RALA: variants seen among roughly 807,000 people sequenced by gnomAD.
RALA encodes the protein RAS like proto-oncogene A.
A neutral mutation model predicts 24.0 loss-of-function variants in RALA; 5 were observed. The ratio of observed to expected loss-of-function variants is 0.21; its 90% CI spans 0.11 to 0.44. The LOEUF (loss-of-function observed/expected upper bound fraction) is 0.44. Ranked by LOEUF, RALA falls within the 20% of genes least tolerant of loss-of-function variation. The probability of loss-of-function intolerance (pLI) is 0.99; values close to 1 mark genes in which losing one functional copy is unlikely to be tolerated. For missense variants in RALA, 95 were observed against 241.2 expected (o/e 0.39, Z 4.01); for synonymous variants, 77 against 83.8 (o/e 0.92, Z 0.44).
chr7:39,651,813 G>T (rs1449271453), intron 1 of RALA, among the ~76,000 whole-genome samples: 1 of 152,044 alleles, frequency 6.6e-6, no homozygotes, highest in Non-Finnish European at 1.5e-5. Flanking sequence ...ACGTTTTTCA[G>T]TGTTATTCAG....
At chr7:39,676,859 C>A (rs1418780628) in intron 1 of RALA, among the ~76,000 whole-genome samples, 1 of 152,046 alleles carries the variant, frequency 6.6e-6, no homozygotes, top group Non-Finnish European at 1.5e-5. Flanking sequence ...GCTCCTTGAC[C>A]CACTTTCCTG....
intron 1 of RALA, among the ~76,000 whole-genome samples, chr7:39,657,798 G>A (rs752008284): frequency 6.6e-6 from 1 of 152,194 alleles, no homozygotes; most frequent in Non-Finnish European, 1.5e-5. Context: ...CTACAATTCT[G>A]CTTCCAACCA....
At chr7:39,684,995 C>T (rs1408427542) in intron 1 of RALA, among the ~76,000 whole-genome samples, 3 of 152,208 alleles carry the variant, frequency 2.0e-5, no homozygotes, top group Non-Finnish European at 4.4e-5. Flanking sequence ...TTCTGGTATA[C>T]TAGAGGAATA....
chr7:39,673,229 G>T (rs1445289727), intron 1 of RALA, among the ~76,000 whole-genome samples: 1 of 152,250 alleles, frequency 6.6e-6, no homozygotes, highest in East Asian at 1.9e-4. Flanking sequence ...TTATGGTGAA[G>T]AAAACTTTAG....
intron 1 of RALA, among the ~76,000 whole-genome samples, chr7:39,669,349 G>T (rs565097593): frequency 1.3e-5 from 2 of 152,050 alleles, no homozygotes; most frequent in Non-Finnish European, 2.9e-5. Flanking sequence ...TGTTGGTGCA[G>T]AATATAGTCA....
chr7:39,661,486 C>G (rs987139658), intron 1 of RALA, among the ~76,000 whole-genome samples: 1 of 152,218 alleles, frequency 6.6e-6, no homozygotes, highest in Non-Finnish European at 1.5e-5. Flanking sequence ...TAAATGCACC[C>G]ATTCCAAATG....
intron 2 of RALA, among the ~76,000 whole-genome samples, chr7:39,687,477 G>A (rs993331790): frequency 1.3e-5 from 2 of 151,586 alleles, no homozygotes; most frequent in Non-Finnish European, 1.5e-5. Flanking sequence ...GTCGTTTATT[G>A]TGTGTTTGGC....
intron 1 of RALA, among the ~76,000 whole-genome samples, chr7:39,680,988 A>G (rs560680489): frequency 3.3e-5 from 5 of 152,240 alleles, no homozygotes; most frequent in Admixed American, 6.5e-5. Flanking sequence ...CTATACCCCT[A>G]TTCTTTGCAT....
chr7:39,684,314 C>T lies in RALA; in HGVS notation c.-37-2317C>T, dbSNP rs193153976. Among the ~76,000 whole-genome samples the T allele has an allele frequency of 4.7e-3, 714 of 152,236 alleles. 10 individuals are homozygous for T. The highest frequency in any genetic ancestry group is 0.03 in the Admixed American group (456 of 15,296). On this transcript the variant is annotated intron_variant, in intron 1 of 4. Coordinates refer to ENST00000005257, the MANE Select transcript of RALA (RefSeq NM_005402.4). ...ATGATAAGAACAGGATGAAAAAATG[C>T]ATTTATGTATATGTGATCTCAGTTA... is the stretch of plus-strand genomic sequence containing the variant.
chr7:39,635,847 C>T (rs1791677509), intron 1 of RALA, among the ~76,000 whole-genome samples: 3 of 152,184 alleles, frequency 2.0e-5, no homozygotes, highest in African/African-American at 7.2e-5. Context: ...CTGTGCGGCC[C>T]AGTTCCTAAC....
chr7:39,662,319 G>A (rs780778094), intron 1 of RALA, among the ~76,000 whole-genome samples: 18 of 152,124 alleles, frequency 1.2e-4, no homozygotes, highest in Non-Finnish European at 2.1e-4. Flanking sequence ...ATTTGGCTCC[G>A]CAGATTTCTG....
At position 39,706,177 on chromosome 7, in the gene RALA, GA is replaced by G; in HGVS notation, c.557del (p.Lys186ArgfsTer10). 6.2e-7 allele frequency: 1 copy of G among 1,609,160 alleles called. No individual in the cohort carries two copies. The highest frequency in any genetic ancestry group is 8.5e-7 in the Non-Finnish European group (1 of 1,178,558). ...IRARKMEDSK[E>X]KNGKKKRKSL... ...AGCGAGAAAGATGGAAGACAGCAAA[GA>G]AAAGAATGGAAAAAAGAAGAGGAAA... On this transcript the variant is annotated frameshift_variant, in exon 5 of 5. Coordinates refer to ENST00000005257, the MANE Select transcript of RALA (RefSeq NM_005402.4). LOFTEE classifies it high-confidence loss of function.
At position 39,706,252 on chromosome 7, in the gene RALA, C is replaced by T. The variant is rs200911136; in HGVS notation, c.*7C>T. ...AAGATGCTGCATTTTATAATCAAAG[C>T]CCAAACTCCTTTCTTATCTTGACCA... On this transcript the variant is annotated 3_prime_UTR_variant, in exon 5 of 5. Coordinates refer to ENST00000005257, the MANE Select transcript of RALA (RefSeq NM_005402.4). The T allele has an allele frequency of 2.4e-4, 383 of 1,602,050 alleles. 3 individuals carry two copies. Among genetic ancestry groups the T allele is most frequent in the East Asian group, 4.0e-4 (18 of 44,584 alleles).
At chr7:39,667,342 T>C (rs527848989) in intron 1 of RALA, among the ~76,000 whole-genome samples, 1 of 152,330 alleles carries the variant, frequency 6.6e-6, no homozygotes, top group African/African-American at 2.4e-5. Flanking sequence ...CCCAACTCCC[T>C]GTGAAAAGAC....
chr7:39,664,505 C>T (rs1363563611), intron 1 of RALA, among the ~76,000 whole-genome samples: 1 of 152,172 alleles, frequency 6.6e-6, no homozygotes, highest in Admixed American at 6.5e-5. Flanking sequence ...CCACCAAACA[C>T]TACGTCTCTG....
intron 1 of RALA, among the ~76,000 whole-genome samples, chr7:39,675,725 C>T (rs1299192319): frequency 1.4e-5 from 2 of 144,906 alleles, no homozygotes; most frequent in Non-Finnish European, 3.0e-5. Context: ...AGAGTGAGAC[C>T]ATGTCTGGGA....
intron 1 of RALA, among the ~76,000 whole-genome samples, chr7:39,681,453 G>A (rs1481388033): frequency 1.3e-5 from 2 of 151,286 alleles, no homozygotes; most frequent in African/African-American, 4.9e-5. Context: ...CAAGTAGCTG[G>A]GATTACTGGC....
At chr7:39,669,344 G>A (rs1046686339) in intron 1 of RALA, among the ~76,000 whole-genome samples, 1 of 151,894 alleles carries the variant, frequency 6.6e-6, no homozygotes, top group Non-Finnish European at 1.5e-5. Context: ...ATACATGTTG[G>A]TGCAGAATAT....
chr7:39,633,947 G>C (rs1307712380), intron 1 of RALA, among the ~76,000 whole-genome samples: 1 of 152,128 alleles, frequency 6.6e-6, no homozygotes, highest in Non-Finnish European at 1.5e-5. Context: ...AGTTCAAGTA[G>C]CGTATTTTCT....
Sources: allele counts gnomAD v4.1 joint callset (sites outside exome capture counted in the v4.1 genomes callset), GRCh38; gene constraint gnomAD v4.1.1; transcripts MANE v1.5; gene names NCBI Gene and HGNC (gene_info 2026-07-23, HGNC 2026-07-21).